Variants in SHISA9 observed in about 807,000 individuals in gnomAD.
SHISA9 encodes the protein protein shisa-9.
In SHISA9, 13 loss-of-function variants were observed where a neutral mutation model predicts 38.0. That is an observed-to-expected ratio of 0.34 (90% CI 0.22 to 0.54). The LOEUF (loss-of-function observed/expected upper bound fraction) is 0.54. Ranked by LOEUF, SHISA9 falls within the 20% of genes least tolerant of loss-of-function variation. SHISA9 has a pLI of 0.91. For missense variants in SHISA9, 538 were observed against 575.8 expected (o/e 0.93, Z 0.67); for synonymous variants, 275 against 242.0 (o/e 1.14, Z -1.27).
At chr16:13,320,749 G>T in the SHISA9 span, among the ~76,000 whole-genome samples, 2 of 152,184 alleles carry the variant, frequency 1.3e-5, no homozygotes, top group Non-Finnish European at 1.5e-5. Context: ...AGGGTTGGGG[G>T]ACAAGGGTAT....
At chr16:13,049,156 A>ATGTGTGTGTG (rs10526925) in intron 2 of SHISA9, among the ~76,000 whole-genome samples, 36 of 63,976 alleles carry the variant, frequency 5.6e-4, no homozygotes, top group Admixed American at 3.2e-3. Flanking sequence ...GGTTAGGAGT[A>ATGTGTGTGTG]TGTGTGTGTG....
At chr16:13,070,630 G>C (rs1311755559) in intron 2 of SHISA9, among the ~76,000 whole-genome samples, 1 of 152,228 alleles carries the variant, frequency 6.6e-6, no homozygotes, top group African/African-American at 2.4e-5. Context: ...GCCGGGAAGT[G>C]GGGGCGGGGC....
At chr16:13,466,145 T>C in the SHISA9 span, among the ~76,000 whole-genome samples, 63 of 152,328 alleles carry the variant, frequency 4.1e-4, no homozygotes, top group African/African-American at 1.4e-3. Context: ...CTAGAGGTCT[T>C]AGTTCCAGAA....
intron 2 of SHISA9, among the ~76,000 whole-genome samples, chr16:13,037,091 C>CACACAGACAG: frequency 8.1e-5 from 2 of 24,614 alleles, no homozygotes; most frequent in African/African-American, 2.7e-4. Context: ...CACCACACCA[C>CACACAGACAG]ACACACACAC....
At position 13,202,022 on chromosome 16, in the gene SHISA9, G is replaced by A. The variant is rs2051010802; in HGVS notation, c.692-1372G>A. Among the ~76,000 whole-genome samples the A allele has an allele frequency of 1.8e-5, 2 of 113,130 alleles. 1 individual carries two copies. The highest frequency in any genetic ancestry group is 7.4e-5 in the African/African-American group (2 of 26,858). 74.2% of individuals were successfully genotyped at this position (113,130 alleles called of 152,430 possible). Reference sequence around the variant, plus strand: ...GAACCCATACTTTCCACCTCAAAGTGAGCCATCATTATCTCCCAGTGATGG... The same window carrying A: ...GAACCCATACTTTCCACCTCAAAGTAAGCCATCATTATCTCCCAGTGATGG... On this transcript the variant is annotated intron_variant, in intron 2 of 4. Coordinates refer to ENST00000558583, the MANE Select transcript of SHISA9 (RefSeq NM_001145204.3).
the SHISA9 span, among the ~76,000 whole-genome samples, chr16:13,505,228 C>T: frequency 6.6e-5 from 10 of 152,180 alleles, no homozygotes; most frequent in Admixed American, 2.0e-4. Context: ...ATGGCAAAAG[C>T]AATCATTAAA....
At chr16:13,168,971 A>G (rs1358464746) in intron 2 of SHISA9, among the ~76,000 whole-genome samples, 1 of 152,208 alleles carries the variant, frequency 6.6e-6, no homozygotes, top group African/African-American at 2.4e-5. Flanking sequence ...CACCATGATC[A>G]TTGTTTTTAT....
the SHISA9 span, among the ~76,000 whole-genome samples, chr16:13,283,083 G>C: frequency 2.6e-5 from 4 of 151,900 alleles, no homozygotes; most frequent in South Asian, 6.3e-4. Context: ...ATTGAATACT[G>C]GACATGGTGA....
chr16:13,277,493 G>A, the SHISA9 span, among the ~76,000 whole-genome samples: 3 of 151,748 alleles, frequency 2.0e-5, no homozygotes, highest in Non-Finnish European at 4.4e-5. Flanking sequence ...CATTGAATTT[G>A]TAGGTTGCAT....
chr16:12,904,434 G>C (rs2071065910), intron 1 of SHISA9, among the ~76,000 whole-genome samples: 1 of 152,190 alleles, frequency 6.6e-6, no homozygotes, highest in Admixed American at 6.5e-5. Flanking sequence ...AGTGATGCTA[G>C]ATCAGCCCTC....
the SHISA9 span, among the ~76,000 whole-genome samples, chr16:13,539,358 T>TATATAAAA: frequency 1.5e-5 from 1 of 65,360 alleles, no homozygotes; most frequent in African/African-American, 5.3e-5. Flanking sequence ...TATATATATA[T>TATATAAAA]AAAGACAGGA....
At chr16:13,560,590 A>G in the SHISA9 span, among the ~76,000 whole-genome samples, 15 of 152,308 alleles carry the variant, frequency 9.8e-5, no homozygotes, top group East Asian at 3.9e-4. Context: ...TAAAGAATTT[A>G]TTGCTGCACA....
the SHISA9 span, among the ~76,000 whole-genome samples, chr16:13,396,298 G>A: frequency 1.3e-5 from 2 of 152,328 alleles, no homozygotes; most frequent in Admixed American, 1.3e-4. Context: ...CTTGAGGTCA[G>A]GAGTTTGAGA....
At chr16:13,454,452 T>C in the SHISA9 span, among the ~76,000 whole-genome samples, 2 of 152,174 alleles carry the variant, frequency 1.3e-5, no homozygotes, top group African/African-American at 4.8e-5. Context: ...TAATAGAAAG[T>C]GCTTGATGAG....
intron 2 of SHISA9, among the ~76,000 whole-genome samples, chr16:12,993,791 G>C (rs953081310): frequency 5.3e-5 from 8 of 152,220 alleles, no homozygotes; most frequent in African/African-American, 1.9e-4. Flanking sequence ...TTCTGAGCAA[G>C]AGAATGTTAA....
intron 2 of SHISA9, among the ~76,000 whole-genome samples, chr16:13,188,928 A>G (rs1425214253): frequency 1.3e-5 from 2 of 152,266 alleles, no homozygotes; most frequent in East Asian, 3.9e-4. Flanking sequence ...CTAATCCAAT[A>G]TGACTGGTCT....
At chr16:13,089,970 C>T (rs2073756401) in intron 2 of SHISA9, among the ~76,000 whole-genome samples, 1 of 152,126 alleles carries the variant, frequency 6.6e-6, no homozygotes, top group Non-Finnish European at 1.5e-5. Flanking sequence ...CACACTGCTT[C>T]AAATGTGTCC....
chr16:13,560,017 C>G, the SHISA9 span, among the ~76,000 whole-genome samples: 1 of 152,194 alleles, frequency 6.6e-6, no homozygotes, highest in African/African-American at 2.4e-5. Flanking sequence ...AAAAGATAAA[C>G]TTGCTTTAAA....
At chr16:13,366,852 A>G in the SHISA9 span, among the ~76,000 whole-genome samples, 1 of 151,908 alleles carries the variant, frequency 6.6e-6, no homozygotes, top group African/African-American at 2.4e-5. Context: ...GCATGGTGGC[A>G]CATGCCTGTA....
Sources: gnomAD v4.1 joint callset for allele counts (sites outside exome capture counted in the v4.1 genomes callset) on GRCh38, gnomAD v4.1.1 for gene constraint, MANE v1.5 for transcripts, NCBI Gene and HGNC (gene_info 2026-07-23, HGNC 2026-07-21) for gene names.